Variants in PARD3 observed in about 807,000 individuals in gnomAD.
The protein encoded by PARD3 is par-3 family cell polarity regulator.
PARD3 carries 75 observed loss-of-function variants against 155.4 expected under a neutral mutation model. The ratio of observed to expected loss-of-function variants is 0.48; its 90% CI spans 0.40 to 0.58. PARD3 has a LOEUF of 0.58. Among genes scored for constraint, PARD3 ranks in the 20% least tolerant of loss-of-function variants. The pLI, the probability that PARD3 is intolerant of heterozygous loss-of-function variation, is 0.00. For synonymous variants in PARD3, 576 were observed against 610.5 expected (o/e 0.94, Z 0.83); for missense variants, 1,642 against 1,721.7 (o/e 0.95, Z 0.82).
At chr10:34,701,270 C>T (rs1301388993) in intron 1 of PARD3, among the ~76,000 whole-genome samples, 2 of 152,020 alleles carry the variant, frequency 1.3e-5, no homozygotes, top group Admixed American at 1.3e-4. Flanking sequence ...AACATCATAT[C>T]AAAAAGACAC....
rs1836320053 is a variant in PARD3 at position 34,337,515 on chromosome 10, A to C, written c.2409-89T>G. ...AGGTTCATACATACCTGCAAGTGTA[A>C]ATATACATATGTATATTCCTCAAGA... On this transcript the variant is annotated intron_variant, in intron 16 of 24. Transcript: ENST00000374788. 4 of 663,434 alleles carry C rather than the reference A, an allele frequency of 6.0e-6. No individual in the cohort carries two copies. In the East Asian group the frequency reaches 1.3e-4, roughly 21 times the overall value. The allele number at this position is 663,434 out of a possible 1,614,324, so 41.1% of individuals were successfully genotyped here.
At chr10:34,558,903 C>A (rs930538359) in intron 2 of PARD3, among the ~76,000 whole-genome samples, 1 of 152,080 alleles carries the variant, frequency 6.6e-6, no homozygotes, top group Admixed American at 6.6e-5. Flanking sequence ...GCCAAGATTG[C>A]GCCACTGCAC....
At position 34,331,181 on chromosome 10, in the gene PARD3, T is replaced by C. The variant is rs768468391; in HGVS notation, c.2769A>G (p.Arg923=). 1 of 1,614,088 alleles carries C rather than the reference T, an allele frequency of 6.2e-7. No individual in the cohort carries two copies. The highest frequency in any genetic ancestry group is 8.5e-7 in the Non-Finnish European group (1 of 1,179,994). The change falls in exon 19 of 25, where the codon AGA becomes AGG. Residue 923 remains arginine (R), a synonymous_variant. Transcript: ENST00000374788. ...TATCATAAGATTTGTCGATGGCAGC[T>C]CTGAAGCTCTCATTGCATCCCCTGC... is the stretch of plus-strand genomic sequence containing the variant. The part of the protein sequence containing the change: ...IRGRGCNESF[R]AAIDKSYDKP...
At chr10:34,583,202 C>T (rs772088493) in intron 2 of PARD3, among the ~76,000 whole-genome samples, 4 of 152,062 alleles carry the variant, frequency 2.6e-5, no homozygotes, top group Non-Finnish European at 5.9e-5. Context: ...ACAAATGACA[C>T]GATATAACCA....
At chr10:34,410,781 A>G (rs1053196287) in intron 5 of PARD3, among the ~76,000 whole-genome samples, 2 of 152,196 alleles carry the variant, frequency 1.3e-5, no homozygotes, top group Non-Finnish European at 2.9e-5. Context: ...CTCTACAGAG[A>G]TAAGCTGTGG....
At chr10:34,570,828 T>C (rs1034433392) in intron 2 of PARD3, among the ~76,000 whole-genome samples, 1 of 152,162 alleles carries the variant, frequency 6.6e-6, no homozygotes, top group Non-Finnish European at 1.5e-5. Context: ...AAAAGATAAA[T>C]GACAGCATTA....
intron 19 of PARD3, among the ~76,000 whole-genome samples, chr10:34,320,404 A>G (rs893264201): frequency 2.0e-5 from 3 of 152,232 alleles, no homozygotes; most frequent in African/African-American, 7.2e-5. Flanking sequence ...GTCTGAAACT[A>G]TAAACAGAAA....
At chr10:34,315,982 C>A (rs552186087) in intron 20 of PARD3, among the ~76,000 whole-genome samples, 10 of 152,308 alleles carry the variant, frequency 6.6e-5, no homozygotes, top group South Asian at 2.1e-4. Flanking sequence ...AGCTGTGTAG[C>A]CTTCAGGCTG....
intron 1 of PARD3, among the ~76,000 whole-genome samples, chr10:34,734,918 A>G (rs1199598016): frequency 6.6e-6 from 1 of 152,114 alleles, no homozygotes; most frequent in East Asian, 1.9e-4. Context: ...GTTAAACAGC[A>G]GACAAAATAC....
intron 2 of PARD3, among the ~76,000 whole-genome samples, chr10:34,670,998 C>T (rs1042436949): frequency 2.0e-5 from 3 of 152,168 alleles, no homozygotes; most frequent in African/African-American, 7.2e-5. Context: ...CAGACCAACT[C>T]CAGAGTCATC....
chr10:34,453,946 A>G (rs1320079177), intron 4 of PARD3, among the ~76,000 whole-genome samples: 1 of 152,204 alleles, frequency 6.6e-6, no homozygotes, highest in Non-Finnish European at 1.5e-5. Context: ...GGATAATAAA[A>G]CTAAAACTAA....
In PARD3 at chr10:34,311,391, C is replaced by T. The variant is rs143232338; in HGVS notation, c.3065+5716G>A. On this transcript the variant is annotated intron_variant, in intron 20 of 24. Coordinates refer to ENST00000374788, the MANE Select transcript of PARD3 (RefSeq NM_001184785.2). ...CCCATGTTTATTTTCAGTAAGAATG[C>T]AATGCTAACATTTTCAGGAAAAAGA... is the stretch of plus-strand genomic sequence containing the variant. Among the ~76,000 whole-genome samples the T allele has an allele frequency of 1.7e-4, 26 of 152,140 alleles. No homozygotes were observed. The East Asian group carries it at 5.0e-3, about 29-fold the overall frequency.
chr10:34,267,392 G>C (rs1343040523), intron 22 of PARD3, among the ~76,000 whole-genome samples: 2 of 152,056 alleles, frequency 1.3e-5, no homozygotes, highest in East Asian at 3.9e-4. Flanking sequence ...CACAGCAAAG[G>C]GGTCTAAATA....
chr10:34,448,094 T>C lies in PARD3; in HGVS notation c.714+2223A>G, dbSNP rs536163180. Among the ~76,000 whole-genome samples the C allele has an allele frequency of 1.1e-4, 16 of 152,058 alleles. No individual in the cohort carries two copies. In the South Asian group the frequency reaches 3.3e-3, roughly 32 times the overall value. ...AGATATGGAAACAACCTAAGTGACCTGCAACCGATGAATGGATAAAGAAAA... is the reference window on the plus strand; with the variant it reads ...AGATATGGAAACAACCTAAGTGACCCGCAACCGATGAATGGATAAAGAAAA... On this transcript the variant is annotated intron_variant, in intron 5 of 24. Transcript: ENST00000374788.
chr10:34,521,124 C>A (rs1343800018), intron 2 of PARD3, among the ~76,000 whole-genome samples: 1 of 152,050 alleles, frequency 6.6e-6, no homozygotes, highest in Non-Finnish European at 1.5e-5. Flanking sequence ...TCTTTAAATG[C>A]CACATGATGG....
At chr10:34,625,813 A>C (rs2091953667) in intron 2 of PARD3, among the ~76,000 whole-genome samples, 1 of 152,168 alleles carries the variant, frequency 6.6e-6, no homozygotes, top group Admixed American at 6.5e-5. Flanking sequence ...TGGGAGGCTG[A>C]GGCAGGAGAA....
chr10:34,189,522 G>A (rs1950616621), intron 22 of PARD3, among the ~76,000 whole-genome samples: 1 of 152,150 alleles, frequency 6.6e-6, no homozygotes, highest in Non-Finnish European at 1.5e-5. Context: ...AGCACTTGAA[G>A]GAAAATCAAT....
At chr10:34,232,379 G>A (rs1952978792) in intron 22 of PARD3, among the ~76,000 whole-genome samples, 1 of 152,074 alleles carries the variant, frequency 6.6e-6, no homozygotes, top group Non-Finnish European at 1.5e-5. Context: ...CAGCGTCACA[G>A]CACACACCTA....
chr10:34,142,329 G>A (rs1948231099), intron 22 of PARD3, among the ~76,000 whole-genome samples: 1 of 151,982 alleles, frequency 6.6e-6, no homozygotes, highest in South Asian at 2.1e-4. Flanking sequence ...CATCGCTTTA[G>A]CTAGTAGTTT....
Sources: gnomAD v4.1 joint callset for allele counts (sites outside exome capture counted in the v4.1 genomes callset) on GRCh38, gnomAD v4.1.1 for gene constraint, MANE v1.5 for transcripts, NCBI Gene and HGNC (gene_info 2026-07-23, HGNC 2026-07-21) for gene names.